CTH: variants seen among roughly 807,000 people sequenced by gnomAD.
CTH encodes the protein cystathionase (cystathionine gamma-lyase).
A neutral mutation model predicts 50.6 loss-of-function variants in CTH; 41 were observed. That is an observed-to-expected ratio of 0.81 (90% CI 0.63 to 1.05). CTH has a LOEUF of 1.05. CTH is among the 50% of genes least tolerant of loss of function. CTH has a pLI of 0.00. For synonymous variants in CTH, 156 were observed against 168.9 expected (o/e 0.92, Z 0.59); for missense variants, 470 against 492.6 (o/e 0.95, Z 0.43).
At chr1:70,424,650 C>T (rs915768923) in intron 5 of CTH, among the ~76,000 whole-genome samples, 1 of 152,116 alleles carries the variant, frequency 6.6e-6, no homozygotes, top group Non-Finnish European at 1.5e-5. Flanking sequence ...TTAAAGCTTA[C>T]CAGTTCTCAG....
At chr1:70,427,200 G>A (rs912559688) in intron 5 of CTH, among the ~76,000 whole-genome samples, 6 of 152,092 alleles carry the variant, frequency 3.9e-5, no homozygotes, top group Admixed American at 3.9e-4. Flanking sequence ...TGGATCTTCT[G>A]TAAGTCTCAC....
chr1:70,418,802 T>C (rs1212362687), intron 3 of CTH, among the ~76,000 whole-genome samples: 2 of 152,180 alleles, frequency 1.3e-5, no homozygotes, highest in Admixed American at 6.5e-5. Context: ...TTGAGAGATA[T>C]GGGCCTCTTT....
At chr1:70,434,612 C>G (rs1684553484) in intron 9 of CTH, among the ~76,000 whole-genome samples, 2 of 151,442 alleles carry the variant, frequency 1.3e-5, no homozygotes, top group African/African-American at 4.8e-5. Flanking sequence ...TTTTTTTTCC[C>G]CTATTCCAGC....
chr1:70,425,436 T>G (rs577476), intron 5 of CTH, among the ~76,000 whole-genome samples: 40,201 of 152,114 alleles, frequency 0.26, 5,571 homozygotes, highest in Middle Eastern at 0.31. Context: ...AGATGGAGCC[T>G]TCTCGCTGTG....
At chr1:70,418,361 T>C (rs1250988675) in intron 3 of CTH, among the ~76,000 whole-genome samples, 1 of 152,172 alleles carries the variant, frequency 6.6e-6, no homozygotes, top group Non-Finnish European at 1.5e-5. Context: ...ATGGTTCTCA[T>C]GCCCTAGCCT....
rs1208057642 is a variant in CTH, at chr1:70,415,985, C to T, written c.198C>T (p.Pro66=). The change falls in exon 2 of 12, where the codon CCC becomes CCT. Residue 66 remains proline, a synonymous_variant. Coordinates refer to ENST00000370938, the MANE Select transcript of CTH (RefSeq NM_001902.6). Reference sequence around the variant, plus strand: ...TTGAATATAGCCGTTCTGGAAATCCCACTAGGAATTGCCTTGAAAAAGCAG... The same window carrying T: ...TTGAATATAGCCGTTCTGGAAATCCTACTAGGAATTGCCTTGAAAAAGCAG... ...SGFEYSRSGN[P]TRNCLEKAVA... The T allele has an allele frequency of 1.9e-6, 3 of 1,610,934 alleles. No homozygotes were observed. Among genetic ancestry groups the T allele is most frequent in the Admixed American group, 1.7e-5 (1 of 60,010 alleles).
chr1:70,417,118 CTT>C (rs940428869), intron 2 of CTH, among the ~76,000 whole-genome samples: 1 of 148,490 alleles, frequency 6.7e-6, no homozygotes, highest in Non-Finnish European at 1.5e-5. Flanking sequence ...ACTCCCTAAA[CTT>C]TTTTTTTTAA....
intron 3 of CTH, 132 bp from the exon 4 acceptor site, chr1:70,421,434 A>G (rs1167924940): frequency 2.2e-6 from 2 of 903,830 alleles, no homozygotes; most frequent in Non-Finnish European, 3.6e-6. Flanking sequence ...TAACCAAACT[A>G]GAATTGCTTT....
At chr1:70,426,264 C>T (rs1346062726) in intron 5 of CTH, among the ~76,000 whole-genome samples, 3 of 152,116 alleles carry the variant, frequency 2.0e-5, no homozygotes, top group Non-Finnish European at 2.9e-5. Flanking sequence ...TCTGAGTAAC[C>T]CAACTCTTTC....
intron 7 of CTH, 61 bp from the exon 8 acceptor site, chr1:70,432,022 C>T (rs983927412): frequency 8.9e-6 from 14 of 1,576,740 alleles, no homozygotes; most frequent in Non-Finnish European, 1.1e-5. Flanking sequence ...AAAAGAGAAG[C>T]CAGATAATTT....
At chr1:70,426,853 T>C (rs1291658224) in intron 5 of CTH, among the ~76,000 whole-genome samples, 2 of 152,174 alleles carry the variant, frequency 1.3e-5, no homozygotes, top group Non-Finnish European at 2.9e-5. Context: ...TGAGACACAG[T>C]GAGTCCTGTA....
intron 10 of CTH, among the ~76,000 whole-genome samples, chr1:70,436,422 A>T (rs994245646): frequency 1.6e-4 from 24 of 152,192 alleles, no homozygotes; most frequent in Non-Finnish European, 2.5e-4. Flanking sequence ...TACCTTTATT[A>T]TATGCTACTA....
chr1:70,417,347 C>G (rs1684115996), intron 2 of CTH, among the ~76,000 whole-genome samples: 1 of 151,760 alleles, frequency 6.6e-6, no homozygotes, highest in Non-Finnish European at 1.5e-5. Flanking sequence ...TGCAGTGGTG[C>G]AATCTTGGCT....
chr1:70,422,850 T>A (rs970178896), intron 4 of CTH, among the ~76,000 whole-genome samples: 2 of 152,062 alleles, frequency 1.3e-5, no homozygotes. Flanking sequence ...GACCTTGTGA[T>A]CCGCCTGCCT....
In CTH at chr1:70,439,671, G is replaced by A. The variant is rs45615634; in HGVS notation, c.*544G>A. On this transcript the variant is annotated 3_prime_UTR_variant, in exon 12 of 12. Coordinates refer to ENST00000370938, the MANE Select transcript of CTH (RefSeq NM_001902.6). Reference sequence around the variant, plus strand: ...TTTTAAAAAAATAAATCAGCTGGGCGCGGTGGCTCACGCATGTAATGCCAG... The same window carrying A: ...TTTTAAAAAAATAAATCAGCTGGGCACGGTGGCTCACGCATGTAATGCCAG... 5,977 of 156,586 alleles carry A rather than the reference G, an allele frequency of 0.038. 154 individuals carry two copies. Among genetic ancestry groups the A allele is most frequent in the South Asian group, 0.12 (609 of 5,154 alleles). The allele number at this position is 156,586 out of a possible 1,614,324, so 9.7% of individuals were successfully genotyped here. A position where few individuals can be genotyped will look rare whatever the true frequency, so the allele number is the denominator to read the frequency against.
chr1:70,424,757 G>A (rs1182214591), intron 5 of CTH, among the ~76,000 whole-genome samples: 3 of 152,138 alleles, frequency 2.0e-5, no homozygotes, highest in Admixed American at 6.6e-5. Context: ...GTGAAACCCC[G>A]TCTCTACTAA....
rs1684653272 is a variant in CTH at position 70,438,794 on chromosome 1, C to T, written c.1159C>T (p.Leu387=). The change falls in exon 11 of 12, where the codon CTG becomes TTG. Residue 387 remains leucine, a synonymous_variant. Coordinates refer to ENST00000370938, the MANE Select transcript of CTH (RefSeq NM_001902.6). ...SVGLEDEEDL[L]EDLDQALKAA... Reference sequence around the variant, plus strand: ...GGGCTTAGAGGATGAGGAAGACCTACTGGAAGATCTAGATCAAGCTTTGAA... The same window carrying T: ...GGGCTTAGAGGATGAGGAAGACCTATTGGAAGATCTAGATCAAGCTTTGAA... The T allele has an allele frequency of 6.2e-7, 1 of 1,613,392 alleles. No individual in the cohort carries two copies. Among genetic ancestry groups the T allele is most frequent in the Non-Finnish European group, 8.5e-7 (1 of 1,179,938 alleles).
chr1:70,433,791 A>G, intron 8 of CTH, 37 bp from the exon 9 acceptor site: 1 of 1,611,184 alleles, frequency 6.2e-7, no homozygotes, highest in Non-Finnish European at 8.5e-7. Context: ...TACATGTTTA[A>G]TTCTAAAATA....
chr1:70,438,634 A>G, intron 10 of CTH, 54 bp from the exon 11 acceptor site: 1 of 1,601,908 alleles, frequency 6.2e-7, no homozygotes, highest in Non-Finnish European at 8.6e-7. Context: ...AGACAGAAAC[A>G]TGCCTCCACT....
Sources: gnomAD v4.1 joint callset for allele counts (sites outside exome capture counted in the v4.1 genomes callset) on GRCh38, gnomAD v4.1.1 for gene constraint, MANE v1.5 for transcripts, NCBI Gene and HGNC (gene_info 2026-07-23, HGNC 2026-07-21) for gene names.